The following EPHA6 variants were observed in gnomAD, a reference collection of about 807,000 sequenced individuals.
EPHA6 encodes the protein ephrin type-A receptor 6.
In EPHA6, 50 loss-of-function variants were observed where a neutral mutation model predicts 112.0. That is an observed-to-expected ratio of 0.45 (90% CI 0.36 to 0.56). The LOEUF (loss-of-function observed/expected upper bound fraction) is 0.56. EPHA6 is among the 20% of genes least tolerant of loss of function. The pLI is 0.00. For synonymous variants in EPHA6, 529 were observed against 490.7 expected (o/e 1.08, Z -1.03); for missense variants, 1,280 against 1,417.4 (o/e 0.90, Z 1.56).
chr3:97,070,054 A>C (rs1448249938), intron 3 of EPHA6, among the ~76,000 whole-genome samples: 1 of 152,010 alleles, frequency 6.6e-6, no homozygotes, highest in Non-Finnish European at 1.5e-5. Flanking sequence ...TGTCATTCTT[A>C]TCTCAGAGCA....
intron 14 of EPHA6, among the ~76,000 whole-genome samples, chr3:97,691,900 T>C (rs1424157383): frequency 6.6e-6 from 1 of 152,160 alleles, no homozygotes; most frequent in Admixed American, 6.5e-5. Context: ...CTTATTTTGT[T>C]AACAAAAGCA....
intron 10 of EPHA6, among the ~76,000 whole-genome samples, chr3:97,494,407 A>G (rs950524463): frequency 6.6e-6 from 1 of 152,186 alleles, no homozygotes; most frequent in African/African-American, 2.4e-5. Context: ...GTCATTTTAT[A>G]TTTGTTCTTC....
chr3:97,615,264 C>A (rs182615069), intron 13 of EPHA6, among the ~76,000 whole-genome samples: 10 of 152,240 alleles, frequency 6.6e-5, no homozygotes, highest in Admixed American at 4.6e-4. Flanking sequence ...CCCTTGCGAA[C>A]CCACTCCACC....
chr3:96,850,932 A>G (rs942396063), intron 1 of EPHA6, among the ~76,000 whole-genome samples: 10 of 152,174 alleles, frequency 6.6e-5, no homozygotes, highest in African/African-American at 2.2e-4. Context: ...AATGCAAAAC[A>G]TATATTAAAA....
chr3:96,903,624 A>T (rs1280369004), intron 2 of EPHA6, among the ~76,000 whole-genome samples: 4 of 152,152 alleles, frequency 2.6e-5, no homozygotes, highest in African/African-American at 9.7e-5. Flanking sequence ...ATAATATTTT[A>T]ATAATTTTTT....
intron 3 of EPHA6, among the ~76,000 whole-genome samples, chr3:97,098,182 G>C (rs1383076236): frequency 1.3e-5 from 2 of 151,784 alleles, no homozygotes; most frequent in African/African-American, 4.8e-5. Flanking sequence ...TACACCCAAG[G>C]TCATGTAGCT....
chr3:96,958,266 G>A (rs2041836071), intron 2 of EPHA6, among the ~76,000 whole-genome samples: 1 of 150,206 alleles, frequency 6.7e-6, no homozygotes, highest in African/African-American at 2.5e-5. Context: ...CTCCAGCCTG[G>A]ATGACAAAAG....
intron 3 of EPHA6, among the ~76,000 whole-genome samples, chr3:97,172,778 A>G (rs1048131953): frequency 2.6e-5 from 4 of 151,978 alleles, no homozygotes; most frequent in African/African-American, 9.7e-5. Flanking sequence ...CAGTATCTCA[A>G]CTGGCTTGCT....
At chr3:97,730,126 T>C (rs879622983) in intron 15 of EPHA6, among the ~76,000 whole-genome samples, 11 of 152,114 alleles carry the variant, frequency 7.2e-5, no homozygotes, top group Non-Finnish European at 1.2e-4. Context: ...TCAATAGTAT[T>C]GTTCAGAGAT....
intron 3 of EPHA6, among the ~76,000 whole-genome samples, chr3:97,131,031 G>A (rs1359205260): frequency 1.3e-5 from 2 of 152,014 alleles, no homozygotes; most frequent in Non-Finnish European, 2.9e-5. Context: ...AAAATCAATA[G>A]CACAGTTGAT....
At chr3:97,163,956 A>G (rs1012803965) in intron 3 of EPHA6, among the ~76,000 whole-genome samples, 10 of 152,266 alleles carry the variant, frequency 6.6e-5, no homozygotes, top group Non-Finnish European at 1.5e-4. Context: ...TAACAATTTC[A>G]ATTCTGCAGC....
chr3:97,748,513 C>A (rs1230368823), intron 17 of EPHA6, 74 bp from the exon 18 acceptor site: 6 of 730,590 alleles, frequency 8.2e-6, no homozygotes, highest in South Asian at 1.5e-5. Context: ...TGTTCATATT[C>A]TGTATCTCTC....
At chr3:97,215,094 C>G (rs2077994643) in intron 3 of EPHA6, among the ~76,000 whole-genome samples, 1 of 152,150 alleles carries the variant, frequency 6.6e-6, no homozygotes, top group South Asian at 2.1e-4. Flanking sequence ...ATATTAATAT[C>G]AGTTCCTGAC....
chr3:97,688,554 A>C (rs1172222286), intron 14 of EPHA6, among the ~76,000 whole-genome samples: 2 of 121,250 alleles, frequency 1.6e-5, no homozygotes, highest in South Asian at 5.8e-4. Context: ...GATGGGGAAC[A>C]TCACACACTG....
chr3:97,663,236 A>G (rs1048234754), intron 14 of EPHA6, among the ~76,000 whole-genome samples: 1 of 152,178 alleles, frequency 6.6e-6, no homozygotes, highest in African/African-American at 2.4e-5. Flanking sequence ...AGAGTTGGAG[A>G]CATAGTTAGC....
intron 3 of EPHA6, among the ~76,000 whole-genome samples, chr3:97,169,685 CA>C (rs1002846282): frequency 6.6e-6 from 1 of 152,132 alleles, no homozygotes; most frequent in African/African-American, 2.4e-5. Context: ...TCGTAAAATG[CA>C]GCCATTTATG....
chr3:97,407,722 TA>T (rs1042298115), intron 6 of EPHA6, among the ~76,000 whole-genome samples: 3 of 152,004 alleles, frequency 2.0e-5, no homozygotes, highest in Admixed American at 6.6e-5. Context: ...CAAAACTTTT[TA>T]TTTTTTTTAT....
In EPHA6 at chr3:97,440,139, G is replaced by A. The variant is rs573580175; in HGVS notation, c.1732-8429G>A. Among the ~76,000 whole-genome samples, 16 of 152,134 alleles carry A rather than the reference G, an allele frequency of 1.1e-4. No homozygotes were observed. The East Asian group carries it at 1.2e-3, about 11-fold the overall frequency. ...AATAAGTAGAGGAGGGGACCAAATCGTATAAAATTAAGTGCTAAATGCTGG... is the reference window on the plus strand; with the variant it reads ...AATAAGTAGAGGAGGGGACCAAATCATATAAAATTAAGTGCTAAATGCTGG... On this transcript the variant is annotated intron_variant, in intron 6 of 17. Transcript: ENST00000389672.
chr3:97,276,927 C>G (rs147930758), intron 5 of EPHA6, among the ~76,000 whole-genome samples: 1 of 151,988 alleles, frequency 6.6e-6, no homozygotes, highest in Non-Finnish European at 1.5e-5. Flanking sequence ...AGTCGTGGAA[C>G]GAAACTGTAA....
Sources: gnomAD v4.1 joint callset for allele counts (sites outside exome capture counted in the v4.1 genomes callset) on GRCh38, gnomAD v4.1.1 for gene constraint, MANE v1.5 for transcripts, NCBI Gene and HGNC (gene_info 2026-07-23, HGNC 2026-07-21) for gene names.